Variants in HECTD2 observed in about 807,000 individuals in gnomAD.
HECTD2 encodes the protein probable E3 ubiquitin-protein ligase HECTD2.
A neutral mutation model predicts 103.2 loss-of-function variants in HECTD2; 35 were observed. The ratio of observed to expected loss-of-function variants is 0.34; its 90% CI spans 0.26 to 0.45. The LOEUF (loss-of-function observed/expected upper bound fraction) is 0.45. Among genes scored for constraint, HECTD2 ranks in the 20% least tolerant of loss-of-function variants. The pLI is 1.00. For synonymous variants in HECTD2, 281 were observed against 329.9 expected (o/e 0.85, Z 1.61); for missense variants, 596 against 937.4 (o/e 0.64, Z 4.76).
intron 5 of HECTD2, chr10:91,462,942 T>A: frequency 6.0e-6 from 1 of 167,642 alleles, no homozygotes; most frequent in Non-Finnish European, 1.2e-5. Flanking sequence ...CATTTCTCAT[T>A]ACATGTATTT....
intron 11 of HECTD2, chr10:91,489,769 G>T (rs1287384972): frequency 6.6e-6 from 1 of 152,166 alleles, no homozygotes; most frequent in Non-Finnish European, 1.5e-5. Flanking sequence ...AGGAGAAATG[G>T]AGAAAGCTCC....
At chr10:91,473,715 A>G (rs1251749818) in intron 5 of HECTD2, among the ~76,000 whole-genome samples, 1 of 152,098 alleles carries the variant, frequency 6.6e-6, no homozygotes, top group Non-Finnish European at 1.5e-5. Flanking sequence ...CAGTAGATAT[A>G]TTTTCTCGTG....
chr10:91,434,678 T>A (rs936605798), intron 2 of HECTD2, among the ~76,000 whole-genome samples: 1 of 152,052 alleles, frequency 6.6e-6, no homozygotes, highest in African/African-American at 2.4e-5. Context: ...CATGTGAATT[T>A]AGTTTTCCAT....
intron 20 of HECTD2, among the ~76,000 whole-genome samples, chr10:91,507,759 T>G (rs1847249207): frequency 7.4e-6 from 1 of 134,754 alleles, no homozygotes; most frequent in Non-Finnish European, 1.5e-5. Flanking sequence ...TTCACAGAAT[T>G]GGAAAAAACT....
intron 5 of HECTD2, among the ~76,000 whole-genome samples, chr10:91,476,491 C>G (rs1393521388): frequency 6.6e-6 from 1 of 152,088 alleles, no homozygotes; most frequent in African/African-American, 2.4e-5. Context: ...AGACATTGAG[C>G]CAGACTAAGA....
chr10:91,454,800 G>A (rs1167717915), intron 2 of HECTD2, among the ~76,000 whole-genome samples: 11 of 150,744 alleles, frequency 7.3e-5, no homozygotes. Flanking sequence ...ATTTCCACCT[G>A]TGAGTGAGAA....
rs1847528954 is a variant in HECTD2, at chr10:91,514,214, T to C, written c.*1830T>C. ...TTGGTAGAGATGACTCATGGAAAAA[T>C]TGTGTTGGCTTGGTCTGCATGTTTA... On this transcript the variant is annotated 3_prime_UTR_variant, in exon 21 of 21. Transcript: ENST00000298068. 1 of 152,574 alleles carries C rather than the reference T, an allele frequency of 6.6e-6. No individual in the cohort carries two copies. Among genetic ancestry groups the C allele is most frequent in the Non-Finnish European group, 1.5e-5 (1 of 68,020 alleles). 9.5% of individuals were successfully genotyped at this position (152,574 alleles called of 1,614,324 possible).
At chr10:91,492,972 T>C (rs1415237245) in intron 13 of HECTD2, among the ~76,000 whole-genome samples, 3 of 151,880 alleles carry the variant, frequency 2.0e-5, no homozygotes, top group Admixed American at 2.0e-4. Flanking sequence ...TGTTAAACTT[T>C]TCAAAGGAGA....
intron 14 of HECTD2, among the ~76,000 whole-genome samples, chr10:91,494,940 A>T (rs1283921482): frequency 1.3e-5 from 2 of 152,036 alleles, no homozygotes; most frequent in Non-Finnish European, 2.9e-5. Flanking sequence ...ACTATACATA[A>T]AATCATGAAA....
intron 5 of HECTD2, among the ~76,000 whole-genome samples, chr10:91,477,113 G>A (rs913544150): frequency 4.0e-5 from 6 of 151,738 alleles, no homozygotes; most frequent in African/African-American, 4.8e-5. Flanking sequence ...CCCGGGAAGC[G>A]GAGCTTGCAG....
chr10:91,471,012 G>A (rs57314370), intron 5 of HECTD2, among the ~76,000 whole-genome samples: 16,748 of 144,408 alleles, frequency 0.12, 2,841 homozygotes, highest in African/African-American at 0.37. Flanking sequence ...AGACACACAC[G>A]CACACACACA....
At chr10:91,450,192 A>T (rs541708734) in intron 2 of HECTD2, among the ~76,000 whole-genome samples, 1 of 152,280 alleles carries the variant, frequency 6.6e-6, no homozygotes, top group South Asian at 2.1e-4. Flanking sequence ...AACCAATGGA[A>T]CAGCATAGAG....
intron 7 of HECTD2, among the ~76,000 whole-genome samples, chr10:91,482,017 GAAGT>G (rs1846106150): frequency 6.6e-6 from 1 of 151,810 alleles, no homozygotes; most frequent in East Asian, 1.9e-4. Context: ...GGAAAATAGA[GAAGT>G]AAGAGGAGAA....
At position 91,462,121 on chromosome 10, in the gene HECTD2, C is replaced by A; in HGVS notation, c.537C>A (p.Thr179=). Reference sequence around the variant, plus strand: ...AAGATGCCACTGCCTCATTTAACACCATTGAAGACTCTGGGATTAATGCTA... The same window carrying A: ...AAGATGCCACTGCCTCATTTAACACAATTGAAGACTCTGGGATTAATGCTA... ...FKKDATASFN[T]IEDSGINAKF... The change falls in exon 5 of 21, where the codon ACC becomes ACA. Residue 179 remains threonine (T), a synonymous_variant. Transcript: ENST00000298068. The A allele has an allele frequency of 6.3e-7, 1 of 1,594,004 alleles. No homozygotes were observed. The highest frequency in any genetic ancestry group is 8.6e-7 in the Non-Finnish European group (1 of 1,164,418).
At chr10:91,505,799 C>A (rs1847136978) in intron 20 of HECTD2, among the ~76,000 whole-genome samples, 1 of 152,190 alleles carries the variant, frequency 6.6e-6, no homozygotes, top group Non-Finnish European at 1.5e-5. Flanking sequence ...GAACTCTCCA[C>A]CCCAAATCAA....
chr10:91,467,484 C>T (rs956245828), intron 5 of HECTD2, among the ~76,000 whole-genome samples: 46 of 152,110 alleles, frequency 3.0e-4, no homozygotes, highest in Non-Finnish European at 5.9e-4. Context: ...GACTGCTGGC[C>T]TCTCCCAGGG....
intron 5 of HECTD2, among the ~76,000 whole-genome samples, chr10:91,469,067 TAAAG>T (rs1845636286): frequency 6.7e-6 from 1 of 148,870 alleles, no homozygotes; most frequent in African/African-American, 2.5e-5. Flanking sequence ...AAATAAAAAA[TAAAG>T]AAGAATGAAC....
In HECTD2 at chr10:91,513,092, C is replaced by G. The variant is rs543851302; in HGVS notation, c.*708C>G. 4 of 152,674 alleles carry G rather than the reference C, an allele frequency of 2.6e-5. No individual in the cohort carries two copies. The highest frequency in any genetic ancestry group is 6.5e-5 in the Admixed American group (1 of 15,296). The allele number at this position is 152,674 out of a possible 1,614,324, so 9.5% of individuals were successfully genotyped here. On this transcript the variant is annotated 3_prime_UTR_variant, in exon 21 of 21. Transcript: ENST00000298068. Reference sequence around the variant, plus strand: ...AGAGTATTTTCAGACTAATTGGATTCAAGGTTATATTCTTTTAAGTGTTGT... The same window carrying G: ...AGAGTATTTTCAGACTAATTGGATTGAAGGTTATATTCTTTTAAGTGTTGT...
At chr10:91,489,278 GT>G (rs1271966480) in intron 11 of HECTD2, 1 of 152,122 alleles carries the variant, frequency 6.6e-6, no homozygotes, top group Non-Finnish European at 1.5e-5. Flanking sequence ...GGCATTATCA[GT>G]TTTTTATGGG....
Sources: gnomAD v4.1 joint callset for allele counts (sites outside exome capture counted in the v4.1 genomes callset) on GRCh38, gnomAD v4.1.1 for gene constraint, MANE v1.5 for transcripts, NCBI Gene and HGNC (gene_info 2026-07-23, HGNC 2026-07-21) for gene names.